SND1: variants seen among roughly 807,000 people sequenced by gnomAD.
SND1 encodes the protein staphylococcal nuclease domain-containing protein 1.
A neutral mutation model predicts 121.7 loss-of-function variants in SND1; 38 were observed. The observed-to-expected ratio is 0.31, with a 90% CI of 0.24 to 0.41. The LOEUF (loss-of-function observed/expected upper bound fraction) is 0.41, where lower values mean the gene tolerates loss of function less well. Among genes scored for constraint, SND1 ranks in the 10% least tolerant of loss-of-function variants. The probability of loss-of-function intolerance (pLI) is 1.00; values close to 1 mark genes in which losing one functional copy is unlikely to be tolerated. For missense variants in SND1, 868 were observed against 1,184.6 expected (o/e 0.73, Z 3.92); for synonymous variants, 401 against 447.4 (o/e 0.90, Z 1.31).
chr7:127,852,553 TA>T (rs1799185718), intron 12 of SND1, among the ~76,000 whole-genome samples: 1 of 151,496 alleles, frequency 6.6e-6, no homozygotes, highest in Non-Finnish European at 1.5e-5. Context: ...CTCACGCCTG[TA>T]ATCCAAGCAC....
At position 127,753,995 on chromosome 7, in the gene SND1, A is replaced by G. The variant is rs1797149700; in HGVS notation, c.1152+32595A>G. Among the ~76,000 whole-genome samples, 3 of 152,182 alleles carry G rather than the reference A, an allele frequency of 2.0e-5. No homozygotes were observed. In the South Asian group the frequency reaches 6.2e-4, roughly 31 times the overall value. On this transcript the variant is annotated intron_variant, in intron 10 of 23. Transcript: ENST00000354725. ...CCCCTTGAACGCTCAGAGCCTATTT[A>G]TTAGTATTTTATTCACATTTAGCCC...
chr7:127,766,990 C>G (rs1340800140), intron 10 of SND1, among the ~76,000 whole-genome samples: 3 of 151,684 alleles, frequency 2.0e-5, no homozygotes, highest in African/African-American at 7.3e-5. Context: ...TAACAAAATA[C>G]AGCTCATGGC....
At chr7:127,844,502 C>A in intron 12 of SND1, 78 bp downstream of exon 12, 1 of 1,161,286 alleles carries the variant, frequency 8.6e-7, no homozygotes, top group Non-Finnish European at 1.2e-6. Context: ...ATCTTTCCTT[C>A]CTTTCACTCT....
At chr7:127,862,115 T>C (rs1799390627) in intron 12 of SND1, among the ~76,000 whole-genome samples, 1 of 152,200 alleles carries the variant, frequency 6.6e-6, no homozygotes, top group Admixed American at 6.5e-5. Context: ...TTTTTTAATG[T>C]ATGGCAGCTT....
intron 1 of SND1, among the ~76,000 whole-genome samples, chr7:127,681,862 A>G (rs1795733316): frequency 6.6e-6 from 1 of 152,108 alleles, no homozygotes; most frequent in Non-Finnish European, 1.5e-5. Context: ...CTTGTTCTTT[A>G]TGTTGGTTCT....
chr7:128,017,606 C>T (rs1803253306), intron 16 of SND1, among the ~76,000 whole-genome samples: 1 of 152,204 alleles, frequency 6.6e-6, no homozygotes, highest in African/African-American at 2.4e-5. Context: ...TGCTACTCCC[C>T]GTGCCACACC....
rs540802036 is a variant in SND1 at position 128,055,373 on chromosome 7, G to T, written c.1780-19129G>T. 1.1e-4 allele frequency among the ~76,000 whole-genome samples: 16 copies of T among 152,282 alleles called. No homozygotes were observed. The South Asian group carries it at 2.9e-3, about 28-fold the overall frequency. On this transcript the variant is annotated intron_variant, in intron 16 of 23. Transcript: ENST00000354725. ...AGCTTCAAAGTTAGAGCCCCTCTCT[G>T]GGTGTCTGCTGTAGCTTTCCTCTGC...
At chr7:127,816,662 C>CTTTTTTTTT (rs919893026) in intron 11 of SND1, among the ~76,000 whole-genome samples, 1 of 135,242 alleles carries the variant, frequency 7.4e-6, no homozygotes, top group African/African-American at 2.8e-5. Flanking sequence ...TTCTCAAACT[C>CTTTTTTTTT]TTTTTTTTTT....
intron 3 of SND1, among the ~76,000 whole-genome samples, 186 bp from the exon 4 acceptor site, chr7:127,698,689 T>C (rs1796050164): frequency 6.6e-6 from 1 of 152,198 alleles, no homozygotes; most frequent in African/African-American, 2.4e-5. Flanking sequence ...CTTTGGGTCC[T>C]AGAGACTAGA....
intron 3 of SND1, among the ~76,000 whole-genome samples, chr7:127,698,476 G>A (rs1222319723): frequency 6.6e-6 from 1 of 152,180 alleles, no homozygotes; most frequent in Non-Finnish European, 1.5e-5. Context: ...GATGCTGGGA[G>A]AGCTTGTCGA....
chr7:127,922,199 T>TG lies in SND1; in HGVS notation c.1528-6989_1528-6988insG, dbSNP rs745628141. On this transcript the variant is annotated intron_variant, in intron 14 of 23. Transcript: ENST00000354725. ...CCTTTTTTTTTTTTTTTTTTTTTTT[T>TG]TTTTGTTTTGTGAGGCAAGATCCCA... is the stretch of plus-strand genomic sequence containing the variant. 1.1e-3 allele frequency among the ~76,000 whole-genome samples: 99 copies of TG among 93,538 alleles called. 2 individuals carry two copies. Among genetic ancestry groups the TG allele is most frequent in the South Asian group, 0.01 (26 of 2,580 alleles). 61.4% of individuals were successfully genotyped at this position (93,538 alleles called of 152,430 possible).
At chr7:128,021,906 TAAG>T (rs1438144873) in intron 16 of SND1, among the ~76,000 whole-genome samples, 1 of 151,984 alleles carries the variant, frequency 6.6e-6, no homozygotes, top group East Asian at 1.9e-4. Flanking sequence ...AGTGGGGCTA[TAAG>T]AAGGTAGGTG....
intron 16 of SND1, among the ~76,000 whole-genome samples, chr7:128,036,565 G>A (rs1792754771): frequency 6.6e-6 from 1 of 152,222 alleles, no homozygotes; most frequent in Non-Finnish European, 1.5e-5. Context: ...CCCATCAAGA[G>A]CAATTTTTAA....
intron 16 of SND1, among the ~76,000 whole-genome samples, chr7:128,008,725 G>A (rs749792061): frequency 4.6e-5 from 7 of 152,186 alleles, no homozygotes; most frequent in Non-Finnish European, 5.9e-5. Context: ...CATGCTGTCA[G>A]GGTCTGGGGG....
intron 10 of SND1, among the ~76,000 whole-genome samples, chr7:127,793,386 T>C (rs1331928623): frequency 6.6e-6 from 1 of 152,200 alleles, no homozygotes; most frequent in Admixed American, 6.5e-5. Flanking sequence ...CCAGCTTTAT[T>C]TGCTATTGCG....
At chr7:127,944,109 A>G (rs1759143401) in intron 15 of SND1, among the ~76,000 whole-genome samples, 1 of 152,232 alleles carries the variant, frequency 6.6e-6, no homozygotes, top group South Asian at 2.1e-4. Context: ...ATTTGTGCAG[A>G]TAGCTTCTCT....
chr7:127,974,916 T>C (rs980597819), intron 15 of SND1, among the ~76,000 whole-genome samples: 1 of 152,170 alleles, frequency 6.6e-6, no homozygotes, highest in African/African-American at 2.4e-5. Flanking sequence ...TCTTGAGTTG[T>C]ATTGCTGAAG....
chr7:127,699,112 C>T (rs181078534), intron 4 of SND1, among the ~76,000 whole-genome samples, 159 bp downstream of exon 4: 28 of 152,320 alleles, frequency 1.8e-4, no homozygotes, highest in Admixed American at 7.8e-4. Flanking sequence ...AGTCACTCAG[C>T]ATTCACTAAT....
Position 127,701,299 on chromosome 7 carries a change from T to C in SND1, c.565T>C (p.Ser189Pro). ...TGAAAACCCAAGGCACTTTGTGGAC[T>C]CACACCACCAGAAGCCTGTTAATGG... ...TIENPRHFVD[S>P]HHQKPVNAII... Residue 189 changes from serine (S) to proline (P), a missense_variant, in exon 5 of 24, where the codon TCA (serine) becomes CCA (proline). Physicochemically the swap from Ser to Pro is moderately conservative, Grantham distance 74. This residue lies in a region of SND1 where 743 missense variants were observed against 1,071.3 expected (regional missense o/e 0.69). Transcript: ENST00000354725. The C allele has an allele frequency of 6.2e-7, 1 of 1,614,030 alleles. No individual in the cohort carries two copies. The highest frequency in any genetic ancestry group is 8.5e-7 in the Non-Finnish European group (1 of 1,179,934).
Sources: allele counts gnomAD v4.1 joint callset (sites outside exome capture counted in the v4.1 genomes callset), GRCh38; gene constraint gnomAD v4.1.1; regional missense constraint gnomAD v4.1.1; transcripts MANE v1.5; gene names NCBI Gene and HGNC (gene_info 2026-07-23, HGNC 2026-07-21).